Variants in ZNF420 observed in about 807,000 individuals in gnomAD.
The protein encoded by ZNF420 is ATM and p53-associated KZNF protein.
ZNF420 carries 31 observed loss-of-function variants against 44.7 expected under a neutral mutation model. The observed-to-expected ratio is 0.69, with a 90% confidence interval of 0.52 to 0.94. The LOEUF (loss-of-function observed/expected upper bound fraction) is 0.94. ZNF420 is among the 40% of genes least tolerant of loss of function. The pLI is 0.00. For synonymous variants in ZNF420, 245 were observed against 267.4 expected, an observed-to-expected ratio of 0.92 and a Z score of 0.82; for missense variants, 681 against 827.9, an observed-to-expected ratio of 0.82 and a Z score of 2.18.
At chr19:37,111,417 T>G (rs1468387686) in intron 4 of ZNF420, 1 of 152,270 alleles carries the variant, frequency 6.6e-6, no homozygotes, top group East Asian at 1.9e-4. Flanking sequence ...TTTAATGTTT[T>G]TAATGTGCCT....
chr19:37,129,079 C>G lies in ZNF420; in HGVS notation c.*21C>G, dbSNP rs1264171572. On this transcript the variant is annotated 3_prime_UTR_variant, in exon 5 of 5. Transcript: ENST00000337995. ...TGTGAATTGTCTGATTATTTGAGAT[C>G]ACTATGAAGAGGTTCTCTGGTTGTT... The G allele has an allele frequency of 1.3e-6, 2 of 1,594,566 alleles. No homozygotes were observed. Among genetic ancestry groups the G allele is most frequent in the Admixed American group, 1.7e-5 (1 of 59,056 alleles).
intron 4 of ZNF420, among the ~76,000 whole-genome samples, chr19:37,105,892 A>G (rs1193063290): frequency 6.6e-6 from 1 of 152,180 alleles, no homozygotes; most frequent in Non-Finnish European, 1.5e-5. Context: ...GTATCCTGAG[A>G]CTTTGCTGAA....
intron 4 of ZNF420, among the ~76,000 whole-genome samples, chr19:37,115,707 C>A (rs1970637674): frequency 6.6e-6 from 1 of 151,872 alleles, no homozygotes; most frequent in African/African-American, 2.4e-5. Flanking sequence ...TGCAGAGAGG[C>A]CTTCCTCTTT....
rs79393306 is a variant in ZNF420, at chr19:37,047,441, A to G, written c.-124-32904A>G. On this transcript the variant is annotated intron_variant, in intron 1 of 4. Coordinates refer to the ZNF420 transcript ENST00000587029. ...TGCAGAGACCAGGCCCTCACCAGAC[A>G]CCAATCCTAGTGGCACCTTGATCTT... is the stretch of plus-strand genomic sequence containing the variant. Among the ~76,000 whole-genome samples the G allele has an allele frequency of 1.8e-4, 28 of 152,304 alleles. No homozygotes were observed. In the East Asian group the frequency reaches 5.0e-3, roughly 27 times the overall value.
intron 1 of ZNF420, among the ~76,000 whole-genome samples, chr19:37,063,573 G>A (rs762553527): frequency 1.8e-5 from 2 of 112,628 alleles, no homozygotes; most frequent in South Asian, 2.9e-4. Context: ...CCCACCCGAC[G>A]AAATGCCTAA....
chr19:37,030,791 C>T lies in ZNF420; in HGVS notation c.-125+22709C>T, dbSNP rs371869051. Among the ~76,000 whole-genome samples the T allele has an allele frequency of 2.0e-5, 3 of 152,120 alleles. No homozygotes were observed. In the East Asian group the frequency reaches 5.8e-4, roughly 29 times the overall value. ...CTCTAAATCAGTACCTAGGGAGGGT[C>T]ATCGTTTTCTTGAGCTACAAAGCAA... On this transcript the variant is annotated intron_variant, in intron 1 of 4. Coordinates refer to the ZNF420 transcript ENST00000587029.
At chr19:37,104,715 T>G (rs1338040448) in intron 4 of ZNF420, among the ~76,000 whole-genome samples, 2 of 152,220 alleles carry the variant, frequency 1.3e-5, no homozygotes, top group Non-Finnish European at 2.9e-5. Context: ...GTGGTTTTGA[T>G]TTGCATTTCT....
At chr19:37,123,125 T>G (rs1036038198) in intron 4 of ZNF420, among the ~76,000 whole-genome samples, 1 of 152,144 alleles carries the variant, frequency 6.6e-6, no homozygotes, top group African/African-American at 2.4e-5. Context: ...TAGTATACCT[T>G]CAAAATATAT....
At chr19:37,058,186 G>A (rs1016217624) in intron 1 of ZNF420, among the ~76,000 whole-genome samples, 2 of 152,204 alleles carry the variant, frequency 1.3e-5, no homozygotes, top group South Asian at 2.1e-4. Flanking sequence ...TGTCATAATT[G>A]TTTCTCTCTC....
intron 4 of ZNF420, among the ~76,000 whole-genome samples, chr19:37,118,240 A>T (rs1420619491): frequency 6.6e-6 from 1 of 152,244 alleles, no homozygotes; most frequent in East Asian, 1.9e-4. Flanking sequence ...CAGGTTACCC[A>T]CAAAGGGAAG....
At chr19:37,045,849 A>G (rs1199883288) in intron 1 of ZNF420, among the ~76,000 whole-genome samples, 1 of 152,218 alleles carries the variant, frequency 6.6e-6, no homozygotes, top group Non-Finnish European at 1.5e-5. Context: ...AATATGTAGC[A>G]TATCTAAAAC....
At chr19:37,093,569 C>A (rs1969276083) in intron 4 of ZNF420, among the ~76,000 whole-genome samples, 1 of 152,182 alleles carries the variant, frequency 6.6e-6, no homozygotes, top group South Asian at 2.1e-4. Context: ...CATGAGGGAT[C>A]CACCCCCATG....
intron 4 of ZNF420, chr19:37,093,169 CAA>C (rs996602579): frequency 1.3e-5 from 2 of 151,398 alleles, no homozygotes; most frequent in African/African-American, 4.9e-5. Context: ...AGAGAGGGGG[CAA>C]GAGAGAGAGG....
chr19:37,117,972 G>T (rs536265960), intron 4 of ZNF420, among the ~76,000 whole-genome samples: 110 of 152,224 alleles, frequency 7.2e-4, no homozygotes, highest in Non-Finnish European at 1.4e-3. Context: ...ATGGGACTAT[G>T]TGAAAAGACC....
At chr19:37,111,759 G>A (rs2146666451) in intron 4 of ZNF420, 1 of 152,228 alleles carries the variant, frequency 6.6e-6, no homozygotes, top group Middle Eastern at 3.4e-3. Flanking sequence ...ATTATTTATG[G>A]CTGGTATAGT....
intron 4 of ZNF420, among the ~76,000 whole-genome samples, chr19:37,114,187 C>T (rs2146681053): frequency 6.6e-6 from 1 of 152,002 alleles, no homozygotes; most frequent in South Asian, 2.1e-4. Context: ...ATGTAATGCA[C>T]TACCCTGTCC....
At chr19:37,080,974 G>A (rs958749187) in intron 2 of ZNF420, among the ~76,000 whole-genome samples, 3 of 149,978 alleles carry the variant, frequency 2.0e-5, no homozygotes, top group Non-Finnish European at 3.0e-5. Context: ...GGAGAATGGC[G>A]TGAACCTGGG....
upstream of ZNF420, chr19:37,078,119 C>A (rs1230977170): frequency 6.6e-6 from 1 of 152,644 alleles, no homozygotes; most frequent in Non-Finnish European, 1.5e-5. Context: ...GCGGGTCCCA[C>A]CCTCTCTCCT....
intron 1 of ZNF420, among the ~76,000 whole-genome samples, chr19:37,038,684 G>C (rs1229912039): frequency 6.6e-6 from 1 of 152,136 alleles, no homozygotes; most frequent in Non-Finnish European, 1.5e-5. Flanking sequence ...AGGGCGCGGT[G>C]GCTCAGGCCT....
Sources: gnomAD v4.1 joint callset for allele counts (sites outside exome capture counted in the v4.1 genomes callset) on GRCh38, gnomAD v4.1.1 for gene constraint, MANE v1.5 for transcripts, NCBI Gene and HGNC (gene_info 2026-07-23, HGNC 2026-07-21) for gene names.